ZNF613: variants seen among roughly 807,000 people sequenced by gnomAD.
ZNF613 encodes zinc finger protein 613.
In ZNF613, 8 loss-of-function variants were observed where a neutral mutation model predicts 14.3. The ratio of observed to expected loss-of-function variants is 0.56; its 90% confidence interval spans 0.33 to 1.01. ZNF613 has a LOEUF of 1.01. Among genes scored for constraint, ZNF613 ranks in the 50% least tolerant of loss-of-function variants. ZNF613 has a pLI of 0.03. For synonymous variants in ZNF613, 228 were observed against 254.5 expected (o/e 0.90, Z 0.99); for missense variants, 656 against 741.9 (o/e 0.88, Z 1.35).
At position 51,945,208 on chromosome 19, in the gene ZNF613, G is replaced by A. The variant is rs1459193370; in HGVS notation, c.1325G>A (p.Cys442Tyr). 2.5e-6 allele frequency: 4 copies of A among 1,614,186 alleles called. No homozygotes were observed. Among genetic ancestry groups the A allele is most frequent in the Non-Finnish European group, 3.4e-6 (4 of 1,180,028 alleles). Residue 442 changes from cysteine to tyrosine, a missense_variant, in exon 6 of 6, where the codon TGT becomes TAT. Cys to Tyr is a radical substitution (Grantham distance 194). Transcript: ENST00000293471. ...ECGKGFSQKT[C>Y]LISHQRFHTG... ...GGGAAAGGCTTCAGCCAGAAGACATGTTTAATATCCCATCAGAGATTTCAC... is the reference window on the plus strand; with the variant it reads ...GGGAAAGGCTTCAGCCAGAAGACATATTTAATATCCCATCAGAGATTTCAC...
Position 51,936,122 on chromosome 19 carries a change from C to T in ZNF613, c.-99C>T. The T allele has an allele frequency of 7.5e-7, 1 of 1,326,698 alleles. No homozygotes were observed. The highest frequency in any genetic ancestry group is 2.1e-5 in the Admixed American group (1 of 46,878). The allele number at this position is 1,326,698 out of a possible 1,614,324, so 82.2% of individuals were successfully genotyped here. ...CCATCCTTTGCAGGGATGTAATTCA[C>T]CAGAGACCAAGATTTCTAGCCAGAA... On this transcript the variant is annotated 5_prime_UTR_variant, in exon 3 of 6. Transcript: ENST00000293471.
intron 4 of ZNF613, 137 bp from the exon 5 acceptor site, chr19:51,940,480 T>C: frequency 6.6e-7 from 1 of 1,506,526 alleles, no homozygotes; most frequent in Non-Finnish European, 9.1e-7. Flanking sequence ...GAGTGTAATG[T>C]GCCCCCTTTA....
intron 3 of ZNF613, among the ~76,000 whole-genome samples, chr19:51,938,021 A>G (rs1175912666): frequency 1.3e-5 from 2 of 151,804 alleles, no homozygotes; most frequent in Non-Finnish European, 2.9e-5. Context: ...ATGAGCCACC[A>G]CGCCTGGCCC....
intron 3 of ZNF613, among the ~76,000 whole-genome samples, chr19:51,936,897 C>T (rs1189828421): frequency 3.3e-5 from 5 of 152,168 alleles, no homozygotes; most frequent in Non-Finnish European, 5.9e-5. Context: ...TCAGTACTAC[C>T]TCTAATCTCC....
chr19:51,935,428 T>A (rs908198052), intron 2 of ZNF613, among the ~76,000 whole-genome samples: 2 of 152,246 alleles, frequency 1.3e-5, no homozygotes, highest in Non-Finnish European at 2.9e-5. Context: ...GGAGACAGGC[T>A]GTGTGGGTTC....
At chr19:51,929,581 C>T (rs921485574) in intron 1 of ZNF613, among the ~76,000 whole-genome samples, 151 bp from the exon 2 acceptor site, 1 of 152,194 alleles carries the variant, frequency 6.6e-6, no homozygotes, top group African/African-American at 2.4e-5. Context: ...AACTTTCAAA[C>T]ATATAACATG....
Position 51,945,292 on chromosome 19 carries a change from G to A in ZNF613, c.1409G>A (p.Gly470Asp). ...GGAAAATCCTGCTCACACAAGTCAG[G>A]TCTCATTAACCACCAGAGAATTCAC... Reference protein sequence around the residue: ...ECGKSCSHKSGLINHQRIHTG... With the variant: ...ECGKSCSHKSDLINHQRIHTG... Residue 470 changes from glycine to aspartate, a missense_variant, in exon 6 of 6, where the codon GGT (glycine) becomes GAT (aspartate). Physicochemically the swap from Gly to Asp is moderately conservative, Grantham distance 94. Coordinates refer to ENST00000293471, the MANE Select transcript of ZNF613 (RefSeq NM_001031721.4). 1 of 1,613,742 alleles carries A rather than the reference G, an allele frequency of 6.2e-7. No individual in the cohort carries two copies. The highest frequency in any genetic ancestry group is 8.5e-7 in the Non-Finnish European group (1 of 1,179,910).
At chr19:51,939,980 G>T (rs2085334189) in intron 3 of ZNF613, among the ~76,000 whole-genome samples, 1 of 151,974 alleles carries the variant, frequency 6.6e-6, no homozygotes, top group African/African-American at 2.4e-5. Context: ...TTTGTTAAAT[G>T]ATAGATAATT....
intron 5 of ZNF613, among the ~76,000 whole-genome samples, chr19:51,942,533 A>C (rs546755905): frequency 1.4e-4 from 22 of 152,270 alleles, no homozygotes; most frequent in Admixed American, 2.6e-4. Flanking sequence ...CAAAGGCCCA[A>C]GGCAGGTGTG....
chr19:51,931,137 A>G (rs986603538), intron 2 of ZNF613, among the ~76,000 whole-genome samples: 17 of 152,220 alleles, frequency 1.1e-4, no homozygotes, highest in African/African-American at 3.6e-4. Context: ...GTGTACTTCT[A>G]ATCAGCCAGT....
At chr19:51,938,150 G>A (rs370431658) in intron 3 of ZNF613, among the ~76,000 whole-genome samples, 17 of 151,830 alleles carry the variant, frequency 1.1e-4, no homozygotes, top group African/African-American at 3.9e-4. Context: ...CCAAGGCAAG[G>A]TTACCCAAGG....
intron 3 of ZNF613, 61 bp from the exon 4 acceptor site, chr19:51,940,148 C>G (rs2085335517): frequency 6.3e-7 from 1 of 1,589,742 alleles, no homozygotes; most frequent in Admixed American, 1.7e-5. Flanking sequence ...CAATGTTCTT[C>G]ACATTTCTTC....
chr19:51,930,596 C>T (rs1005220367), intron 2 of ZNF613, among the ~76,000 whole-genome samples: 3 of 152,140 alleles, frequency 2.0e-5, no homozygotes, highest in African/African-American at 4.8e-5. Flanking sequence ...TTGTCTGTGT[C>T]GTAGCATGTA....
Position 51,944,517 on chromosome 19 carries a change from G to A in ZNF613, c.634G>A (p.Ala212Thr). 1 of 1,612,648 alleles carries A rather than the reference G, an allele frequency of 6.2e-7. No individual in the cohort carries two copies. Among genetic ancestry groups the A allele is most frequent in the South Asian group, 1.1e-5 (1 of 90,984 alleles). Residue 212 changes from alanine (A) to threonine (T), a missense_variant, in exon 6 of 6, where the codon GCT (alanine) becomes ACT (threonine). Coordinates refer to ENST00000293471, the MANE Select transcript of ZNF613 (RefSeq NM_001031721.4). ...CCATGTATGCACTGAGTGTGGGAAG[G>A]CTTTCCTCAAGAAGTCTCGCCTCAT... Reference protein sequence around the residue: ...KPHVCTECGKAFLKKSRLIYH... With the variant: ...KPHVCTECGKTFLKKSRLIYH...
chr19:51,932,544 G>A (rs1284926962), intron 2 of ZNF613, among the ~76,000 whole-genome samples: 1 of 151,820 alleles, frequency 6.6e-6, no homozygotes, highest in Non-Finnish European at 1.5e-5. Context: ...TGATCTGCCC[G>A]CCTCGGCCTC....
At chr19:51,942,367 T>C (rs1198307767) in intron 5 of ZNF613, among the ~76,000 whole-genome samples, 2 of 152,196 alleles carry the variant, frequency 1.3e-5, no homozygotes, top group African/African-American at 2.4e-5. Flanking sequence ...ATAAATGTCT[T>C]GTGGTGAAAA....
At position 51,945,407 on chromosome 19, in the gene ZNF613, G is replaced by T. The variant is rs1187417333; in HGVS notation, c.1524G>T (p.Gly508=). The change falls in exon 6 of 6, where the codon GGG becomes GGT. Residue 508 remains glycine (G), a synonymous_variant. Transcript: ENST00000293471. ...ACAGACATCGGAGAACTCATACAGGGGAGAGACCGTATGGATGCTCTGATT... is the reference window on the plus strand; with the variant it reads ...ACAGACATCGGAGAACTCATACAGGTGAGAGACCGTATGGATGCTCTGATT... ...CLNRHRRTHT[G]ERPYGCSDCG... 1.1e-5 allele frequency: 17 copies of T among 1,613,596 alleles called. No homozygotes were observed. The highest frequency in any genetic ancestry group is 1.4e-5 in the Non-Finnish European group (17 of 1,179,734).
intron 5 of ZNF613, 25 bp downstream of exon 5, chr19:51,940,734 A>T (rs2085342778): frequency 6.3e-7 from 1 of 1,590,116 alleles, no homozygotes; most frequent in African/African-American, 1.3e-5. Context: ...AGAGCCAGCA[A>T]GGAGGGTGGC....
In ZNF613 at chr19:51,945,625, C is replaced by G. The variant is rs1218135058; in HGVS notation, c.1742C>G (p.Ala581Gly). 1.2e-6 allele frequency: 2 copies of G among 1,614,010 alleles called. No individual in the cohort carries two copies. The highest frequency in any genetic ancestry group is 1.7e-6 in the Non-Finnish European group (2 of 1,180,024). Residue 581 changes from alanine to glycine, a missense_variant, in exon 6 of 6, where the codon GCT (alanine) becomes GGT (glycine). By Grantham distance (60) the Ala-to-Gly change is moderately conservative. Coordinates refer to ENST00000293471, the MANE Select transcript of ZNF613 (RefSeq NM_001031721.4). Reference protein sequence around the residue: ...MVTLQMPSVAAQTSLTNSAFQ... With the variant: ...MVTLQMPSVAGQTSLTNSAFQ... ...ACTCTGCAGATGCCTTCTGTGGCAG[C>G]TCAGACCTCATTAACTAACAGTGCG...
Sources: allele counts gnomAD v4.1 joint callset (sites outside exome capture counted in the v4.1 genomes callset), GRCh38; gene constraint gnomAD v4.1.1; transcripts MANE v1.5; gene names NCBI Gene and HGNC (gene_info 2026-07-23, HGNC 2026-07-21).